The following BBS9 variants were observed in gnomAD, a reference collection of about 807,000 sequenced individuals.
BBS9 encodes protein PTHB1.
A neutral mutation model predicts 117.7 loss-of-function variants in BBS9; 89 were observed. That is an observed-to-expected ratio of 0.76 (90% CI 0.64 to 0.90). The LOEUF (loss-of-function observed/expected upper bound fraction) is 0.90. Among genes scored for constraint, BBS9 ranks in the 40% least tolerant of loss-of-function variants. The pLI, the probability that BBS9 is intolerant of heterozygous loss-of-function variation, is 0.00. For synonymous variants in BBS9, 379 were observed against 370.9 expected, an observed-to-expected ratio of 1.02 and a Z score of -0.25; for missense variants, 982 against 1,042.2, an observed-to-expected ratio of 0.94 and a Z score of 0.80.
intron 9 of BBS9, among the ~76,000 whole-genome samples, chr7:33,274,313 C>T (rs567978258): frequency 2.4e-4 from 37 of 152,224 alleles, no homozygotes; most frequent in African/African-American, 3.1e-4. Flanking sequence ...TAGACTGTGA[C>T]GATATTACAC....
chr7:33,419,589 T>C (rs1832549867), intron 19 of BBS9, among the ~76,000 whole-genome samples: 1 of 152,182 alleles, frequency 6.6e-6, no homozygotes, highest in Non-Finnish European at 1.5e-5. Context: ...TGCCTCATAT[T>C]TCTTGATTCC....
intron 11 of BBS9, among the ~76,000 whole-genome samples, chr7:33,343,230 C>A (rs1328636666): frequency 6.6e-6 from 1 of 152,052 alleles, no homozygotes; most frequent in Non-Finnish European, 1.5e-5. Flanking sequence ...TTTAATTGGT[C>A]CCCAGAATTC....
chr7:33,161,284 C>T (rs1031576855), intron 4 of BBS9, among the ~76,000 whole-genome samples: 4 of 152,094 alleles, frequency 2.6e-5, no homozygotes, highest in African/African-American at 4.8e-5. Context: ...CCCCACCCCA[C>T]GACAGGCCCT....
chr7:33,274,002 A>G (rs921641885), intron 9 of BBS9, 46 bp downstream of exon 9: 2 of 1,599,542 alleles, frequency 1.3e-6, no homozygotes, highest in Non-Finnish European at 8.6e-7. Context: ...ATGTTAGTCA[A>G]GAAATTTTCT....
chr7:33,302,879 A>G (rs1026270175), intron 9 of BBS9, among the ~76,000 whole-genome samples: 2 of 152,204 alleles, frequency 1.3e-5, no homozygotes, highest in East Asian at 1.9e-4. Flanking sequence ...TAGTATGGAC[A>G]TTTTAACAAT....
At chr7:33,442,318 T>C (rs1220105773) in intron 19 of BBS9, among the ~76,000 whole-genome samples, 1 of 152,228 alleles carries the variant, frequency 6.6e-6, no homozygotes, top group Non-Finnish European at 1.5e-5. Context: ...GAAAGAGATT[T>C]AGATAACAAT....
At chr7:33,303,090 T>C (rs1440722323) in intron 9 of BBS9, among the ~76,000 whole-genome samples, 1 of 152,204 alleles carries the variant, frequency 6.6e-6, no homozygotes, top group Non-Finnish European at 1.5e-5. Flanking sequence ...CATATATAAA[T>C]GCTACTGATT....
intron 9 of BBS9, among the ~76,000 whole-genome samples, chr7:33,298,944 A>C (rs990674082): frequency 3.9e-5 from 6 of 152,156 alleles, no homozygotes; most frequent in South Asian, 2.1e-4. Context: ...CCTGGGAGAA[A>C]ATATTTTAGT....
intron 21 of BBS9, among the ~76,000 whole-genome samples, chr7:33,545,060 C>G (rs555150782): frequency 1.4e-3 from 209 of 152,216 alleles, no homozygotes; most frequent in Non-Finnish European, 2.4e-3. Context: ...GCCAACAGCC[C>G]CGACTCTGTT....
intron 5 of BBS9, among the ~76,000 whole-genome samples, chr7:33,179,373 A>T (rs190336979): frequency 2.0e-5 from 3 of 152,302 alleles, no homozygotes; most frequent in Non-Finnish European, 2.9e-5. Context: ...GGTGAGCGGC[A>T]GGTGAGTGAG....
At chr7:33,537,215 G>T (rs1373002154) in intron 21 of BBS9, among the ~76,000 whole-genome samples, 1 of 152,146 alleles carries the variant, frequency 6.6e-6, no homozygotes, top group African/African-American at 2.4e-5. Flanking sequence ...AAACATCTCA[G>T]AATAAAAAAC....
chr7:33,133,739 A>C (rs1169032668), intron 1 of BBS9, among the ~76,000 whole-genome samples: 4 of 152,206 alleles, frequency 2.6e-5, no homozygotes, highest in Admixed American at 6.5e-5. Context: ...TTTAGATATT[A>C]TGAATAATGC....
At chr7:33,470,839 A>G (rs1323569088) in intron 19 of BBS9, among the ~76,000 whole-genome samples, 1 of 152,078 alleles carries the variant, frequency 6.6e-6, no homozygotes, top group East Asian at 1.9e-4. Flanking sequence ...CCTGAAGGAC[A>G]CTCATTCAGG....
intron 21 of BBS9, among the ~76,000 whole-genome samples, chr7:33,587,560 A>G (rs982255693): frequency 6.6e-6 from 1 of 152,278 alleles, no homozygotes; most frequent in Middle Eastern, 3.4e-3. Flanking sequence ...GAAAGAAAAG[A>G]ACAGAAACCA....
At chr7:33,270,782 C>G (rs1799662517) in intron 7 of BBS9, among the ~76,000 whole-genome samples, 1 of 152,160 alleles carries the variant, frequency 6.6e-6, no homozygotes, top group Non-Finnish European at 1.5e-5. Flanking sequence ...AGTTGGAAAA[C>G]CTCTCTCAGG....
chr7:33,498,053 G>A (rs892782981), intron 19 of BBS9, among the ~76,000 whole-genome samples: 4 of 152,104 alleles, frequency 2.6e-5, no homozygotes, highest in Non-Finnish European at 5.9e-5. Context: ...AGCTTTTACC[G>A]AGTATTGTTT....
chr7:33,221,703 A>ATTTTTTTTTTTTTTTTTTTT, intron 5 of BBS9, among the ~76,000 whole-genome samples: 1 of 152,148 alleles, frequency 6.6e-6, no homozygotes, highest in East Asian at 1.9e-4. Flanking sequence ...TGAATTTTTA[A>ATTTTTTTTTTTTTTTTTTTT]TTGTTTGTAA....
intron 19 of BBS9, among the ~76,000 whole-genome samples, chr7:33,439,711 T>G (rs1200682631): frequency 1.3e-5 from 2 of 152,118 alleles, no homozygotes; most frequent in Non-Finnish European, 2.9e-5. Context: ...GTATTTTTAG[T>G]AGAGACAGGG....
intron 17 of BBS9, among the ~76,000 whole-genome samples, chr7:33,375,217 CTGAAG>C (rs1174853323): frequency 6.6e-5 from 10 of 152,016 alleles, no homozygotes; most frequent in Non-Finnish European, 1.5e-4. Flanking sequence ...TATCTGGAAA[CTGAAG>C]TGGTTATTTC....
Sources: gnomAD v4.1 joint callset for allele counts (sites outside exome capture counted in the v4.1 genomes callset) on GRCh38, gnomAD v4.1.1 for gene constraint, MANE v1.5 for transcripts, NCBI Gene and HGNC (gene_info 2026-07-23, HGNC 2026-07-21) for gene names.